The following RBFOX1 variants were observed in gnomAD, a reference collection of about 807,000 sequenced individuals.
RBFOX1 encodes RNA binding fox-1 homolog 1.
RBFOX1 carries 8 observed loss-of-function variants against 57.7 expected under a neutral mutation model. The observed-to-expected ratio is 0.14, with a 90% CI of 0.08 to 0.25. The LOEUF (loss-of-function observed/expected upper bound fraction) is 0.25. RBFOX1 is among the 10% of genes least tolerant of loss of function. The pLI is 1.00. For synonymous variants in RBFOX1, 326 were observed against 222.4 expected, an observed-to-expected ratio of 1.47 and a Z score of -4.15; for missense variants, 611 against 548.5, an observed-to-expected ratio of 1.11 and a Z score of -1.14.
chr16:6,999,495 G>T (rs8045628), intron 3 of RBFOX1, among the ~76,000 whole-genome samples: 122,353 of 151,508 alleles, frequency 0.81, 50,041 homozygotes, highest in East Asian at 0.98. Flanking sequence ...AGCATTCTCA[G>T]TTGTTTAATG....
intron 4 of RBFOX1, among the ~76,000 whole-genome samples, chr16:7,352,508 G>A (rs2097146470): frequency 6.6e-6 from 1 of 152,112 alleles, no homozygotes; most frequent in African/African-American, 2.4e-5. Context: ...CGCTTACTCC[G>A]GGCTGCCCAT....
intron 4 of RBFOX1, among the ~76,000 whole-genome samples, chr16:7,279,413 C>G (rs141800280): frequency 6.6e-6 from 1 of 152,170 alleles, no homozygotes; most frequent in African/African-American, 2.4e-5. Flanking sequence ...GTGCGTAAGC[C>G]AGGCTTTCTG....
At chr16:6,325,283 C>G (rs980022921) in intron 2 of RBFOX1, among the ~76,000 whole-genome samples, 2 of 152,100 alleles carry the variant, frequency 1.3e-5, no homozygotes, top group Non-Finnish European at 2.9e-5. Context: ...CACATGAGCC[C>G]AGGAATCCAA....
intron 1 of RBFOX1, among the ~76,000 whole-genome samples, chr16:5,306,082 TC>T (rs35764335): frequency 0.35 from 53,568 of 151,286 alleles, 11,692 homozygotes; most frequent in Non-Finnish European, 0.49. Flanking sequence ...GCACTGGGAG[TC>T]CCAGCTACTT....
At chr16:6,645,538 C>G (rs1210922944) in intron 2 of RBFOX1, among the ~76,000 whole-genome samples, 2 of 152,122 alleles carry the variant, frequency 1.3e-5, no homozygotes, top group Non-Finnish European at 2.9e-5. Context: ...TCAAAAACAA[C>G]CAACACACCA....
intron 4 of RBFOX1, among the ~76,000 whole-genome samples, chr16:5,916,082 G>C (rs896855843): frequency 2.6e-5 from 4 of 152,094 alleles, no homozygotes; most frequent in African/African-American, 9.7e-5. Context: ...TACAGACTGT[G>C]TTAAGGACTT....
intron 10 of RBFOX1, among the ~76,000 whole-genome samples, chr16:7,611,975 T>C (rs2057559602): frequency 6.6e-6 from 1 of 152,160 alleles, no homozygotes. Flanking sequence ...AAAAACAGCA[T>C]TGATAATTTC....
Position 7,450,976 on chromosome 16 carries a change from G to A in RBFOX1, c.28-67171G>A, listed in dbSNP as rs189681013. Reference sequence around the variant, plus strand: ...CTGCACATGAAACATAGAAGTGGCTGCCTCCTTCAATCACTGTTCTGATTA... The same window carrying A: ...CTGCACATGAAACATAGAAGTGGCTACCTCCTTCAATCACTGTTCTGATTA... On this transcript the variant is annotated intron_variant, in intron 4 of 15. Coordinates refer to ENST00000550418, the MANE Select transcript of RBFOX1 (RefSeq NM_018723.4). 2.0e-5 allele frequency among the ~76,000 whole-genome samples: 3 copies of A among 152,288 alleles called. No homozygotes were observed. In the East Asian group the frequency reaches 5.8e-4, roughly 29 times the overall value.
intron 4 of RBFOX1, among the ~76,000 whole-genome samples, chr16:7,096,886 C>T (rs972858752): frequency 3.8e-5 from 5 of 130,276 alleles, no homozygotes; most frequent in Non-Finnish European, 6.2e-5. Flanking sequence ...TGGCCGAGAT[C>T]GTACCACTGC....
chr16:7,518,849 C>T (rs2076948292), intron 5 of RBFOX1, among the ~76,000 whole-genome samples: 1 of 152,030 alleles, frequency 6.6e-6, no homozygotes, highest in Non-Finnish European at 1.5e-5. Context: ...AAAGTGAGAC[C>T]TCATCTCTAC....
At chr16:7,690,249 A>G (rs936605005) in intron 14 of RBFOX1, among the ~76,000 whole-genome samples, 1 of 152,112 alleles carries the variant, frequency 6.6e-6, no homozygotes, top group African/African-American at 2.4e-5. Context: ...CTATGAATCT[A>G]AGGAGCAGCC....
At chr16:6,402,659 T>TAC (rs2093122824) in intron 2 of RBFOX1, among the ~76,000 whole-genome samples, 1 of 152,144 alleles carries the variant, frequency 6.6e-6, no homozygotes, top group South Asian at 2.1e-4. Context: ...TGTAAACACA[T>TAC]ACACACACAC....
At chr16:7,034,633 G>A (rs1285947084) in intron 3 of RBFOX1, among the ~76,000 whole-genome samples, 1 of 151,774 alleles carries the variant, frequency 6.6e-6, no homozygotes, top group African/African-American at 2.4e-5. Flanking sequence ...TCTCATTGAA[G>A]ACACATCAGT....
intron 4 of RBFOX1, among the ~76,000 whole-genome samples, chr16:7,475,250 C>T (rs1341017048): frequency 6.6e-6 from 1 of 151,244 alleles, no homozygotes; most frequent in Non-Finnish European, 1.5e-5. Flanking sequence ...CTGTTTTCAA[C>T]ACTCCTTCAA....
At chr16:7,036,294 C>G (rs935026996) in intron 3 of RBFOX1, among the ~76,000 whole-genome samples, 2 of 151,014 alleles carry the variant, frequency 1.3e-5, no homozygotes, top group Non-Finnish European at 3.0e-5. Context: ...TTTACAGTGT[C>G]CCATCCTAAA....
chr16:6,091,839 A>G (rs933521180), intron 1 of RBFOX1, among the ~76,000 whole-genome samples: 3 of 152,180 alleles, frequency 2.0e-5, no homozygotes, highest in African/African-American at 7.2e-5. Context: ...TCAAAAAAAC[A>G]AAACAAAACA....
chr16:6,898,700 G>A (rs1199177283), intron 3 of RBFOX1, among the ~76,000 whole-genome samples: 1 of 152,028 alleles, frequency 6.6e-6, no homozygotes. Flanking sequence ...ACGTGTGTAT[G>A]TGTCTATAAT....
intron 6 of RBFOX1, among the ~76,000 whole-genome samples, chr16:7,585,943 G>T (rs6500991): frequency 0.43 from 65,135 of 151,566 alleles, 14,383 homozygotes; most frequent in African/African-American, 0.48. Context: ...CGCTCTGTCC[G>T]CTGCCACACA....
At chr16:6,492,535 C>G (rs1057139234) in intron 2 of RBFOX1, among the ~76,000 whole-genome samples, 2 of 152,176 alleles carry the variant, frequency 1.3e-5, no homozygotes, top group South Asian at 2.1e-4. Context: ...TGCCACTGCA[C>G]TACAGCCTGG....
Sources: allele counts gnomAD v4.1 joint callset (sites outside exome capture counted in the v4.1 genomes callset), GRCh38; gene constraint gnomAD v4.1.1; transcripts MANE v1.5; gene names NCBI Gene and HGNC (gene_info 2026-07-23, HGNC 2026-07-21).